Variants in CAMTA1 observed in about 807,000 individuals in gnomAD.
The protein encoded by CAMTA1 is calmodulin binding transcription activator 1, also known as calmodulin-binding transcription activator 1.
In CAMTA1, 27 loss-of-function variants were observed where a neutral mutation model predicts 170.9. The observed-to-expected ratio is 0.16, with a 90% CI of 0.12 to 0.22. CAMTA1 has a LOEUF of 0.22. Ranked by LOEUF, CAMTA1 falls within the 10% of genes least tolerant of loss-of-function variation. CAMTA1 has a pLI of 1.00. For synonymous variants in CAMTA1, 833 were observed against 891.5 expected (o/e 0.93, Z 1.17); for missense variants, 1,619 against 2,217.2 (o/e 0.73, Z 5.42).
intron 6 of CAMTA1, among the ~76,000 whole-genome samples, chr1:7,557,373 G>A (rs78385423): frequency 0.049 from 7,426 of 151,222 alleles, 205 homozygotes; most frequent in Admixed American, 0.056. Flanking sequence ...TCCAGAGCCC[G>A]GCCAAGCGGA....
chr1:7,417,365 G>T (rs1301032871), intron 5 of CAMTA1, among the ~76,000 whole-genome samples: 1 of 150,198 alleles, frequency 6.7e-6, no homozygotes, highest in Non-Finnish European at 1.5e-5. Context: ...TCTGTGCCCT[G>T]CCCCCAGAGG....
chr1:7,501,618 G>GTTTTT (rs56182115), intron 6 of CAMTA1, among the ~76,000 whole-genome samples: 20 of 149,614 alleles, frequency 1.3e-4, no homozygotes, highest in Admixed American at 4.0e-4. Context: ...ATAAACAACA[G>GTTTTT]TTTTTTTTTT....
chr1:7,709,126 CTT>C (rs1469265776), intron 11 of CAMTA1, among the ~76,000 whole-genome samples: 1 of 152,110 alleles, frequency 6.6e-6, no homozygotes, highest in East Asian at 1.9e-4. Flanking sequence ...AATTCTGTCT[CTT>C]TTTTCCTTTG....
At chr1:6,905,514 A>G (rs1678241490) in intron 3 of CAMTA1, among the ~76,000 whole-genome samples, 1 of 151,564 alleles carries the variant, frequency 6.6e-6, no homozygotes. Flanking sequence ...TTTCTTTACC[A>G]TCCACCTCTG....
chr1:6,963,386 A>C (rs377697768), intron 3 of CAMTA1, among the ~76,000 whole-genome samples: 7 of 145,530 alleles, frequency 4.8e-5, no homozygotes, highest in Non-Finnish European at 1.1e-4. Context: ...CCTCTTTCCA[A>C]TCGGGCCCCA....
At chr1:7,059,074 G>A (rs531584032) in intron 3 of CAMTA1, among the ~76,000 whole-genome samples, 2 of 152,290 alleles carry the variant, frequency 1.3e-5, no homozygotes, top group East Asian at 3.9e-4. Context: ...GGGTTCCTGG[G>A]CTCTCCTTTC....
chr1:7,437,101 G>A (rs1193223), intron 5 of CAMTA1, among the ~76,000 whole-genome samples: 41,680 of 151,852 alleles, frequency 0.27, 6,280 homozygotes, highest in South Asian at 0.39. Context: ...AGAGGAGGCC[G>A]CAGAGGAAGA....
At chr1:7,686,701 CA>C (rs2096261430) in intron 11 of CAMTA1, among the ~76,000 whole-genome samples, 1 of 152,122 alleles carries the variant, frequency 6.6e-6, no homozygotes, top group Non-Finnish European at 1.5e-5. Flanking sequence ...TCTCCACCGG[CA>C]CAGAGACTAC....
At chr1:7,147,115 C>A (rs1363444467) in intron 4 of CAMTA1, among the ~76,000 whole-genome samples, 6 of 151,872 alleles carry the variant, frequency 4.0e-5, no homozygotes, top group Non-Finnish European at 8.8e-5. Flanking sequence ...CACACACAAA[C>A]ACACACTCAA....
In CAMTA1 at chr1:6,961,475, C is replaced by T. The variant is rs527361981; in HGVS notation, c.235-129829C>T. ...GCCGGCAAGAAGGTGCGCTGCCTGC[C>T]GACCACCATGCGTTCCTGCTGGCCA... On this transcript the variant is annotated intron_variant, in intron 3 of 22. Coordinates refer to ENST00000303635, the MANE Select transcript of CAMTA1 (RefSeq NM_015215.4). Among the ~76,000 whole-genome samples the T allele has an allele frequency of 2.0e-5, 3 of 152,118 alleles. No individual in the cohort carries two copies. The South Asian group carries it at 6.2e-4, about 32-fold the overall frequency.
intron 3 of CAMTA1, among the ~76,000 whole-genome samples, chr1:6,975,840 C>A (rs1444712130): frequency 6.6e-6 from 1 of 152,214 alleles, no homozygotes; most frequent in Non-Finnish European, 1.5e-5. Context: ...TGGCAACCAC[C>A]AATCTGCTTT....
rs949355653 is a variant in CAMTA1, at chr1:7,561,454, C to T, written c.511-78946C>T. ...TGGCCCCTGAGGGCATGGGACTCTC[C>T]CTGCTGGGCACACCCCAGCGGCACC... On this transcript the variant is annotated intron_variant, in intron 6 of 22. Transcript: ENST00000303635. This position sits in a 1 kb window ranked among gnomAD's most constrained non-coding sequence, Gnocchi z 5.3. Among the ~76,000 whole-genome samples the T allele has an allele frequency of 1.3e-5, 2 of 151,816 alleles. No individual in the cohort carries two copies. The highest frequency in any genetic ancestry group is 1.3e-4 in the Admixed American group (2 of 15,262).
chr1:7,427,597 A>T (rs1157014871), intron 5 of CAMTA1, among the ~76,000 whole-genome samples: 1 of 152,364 alleles, frequency 6.6e-6, no homozygotes, highest in East Asian at 1.9e-4. Context: ...CCTTCCCAGC[A>T]GTGAGTGCAT....
Position 7,299,746 on chromosome 1 carries a change from C to T in CAMTA1, c.438+50120C>T, listed in dbSNP as rs918414972. ...AGGGTACAAGGAGGTGTTCCAACCCCTCACTGAGACAGGATTTCTAGCCCC... is the reference window on the plus strand; with the variant it reads ...AGGGTACAAGGAGGTGTTCCAACCCTTCACTGAGACAGGATTTCTAGCCCC... On this transcript the variant is annotated intron_variant, in intron 5 of 22. Transcript: ENST00000303635. The surrounding 1 kb of genome is among the most constrained non-coding windows in gnomAD (Gnocchi z 4.7). 6.6e-6 allele frequency among the ~76,000 whole-genome samples: 1 copy of T among 152,228 alleles called. No individual in the cohort carries two copies. Among genetic ancestry groups the T allele is most frequent in the Non-Finnish European group, 1.5e-5 (1 of 68,044 alleles).
At chr1:7,629,495 TTTGA>T (rs541796649) in intron 6 of CAMTA1, among the ~76,000 whole-genome samples, 113 of 152,350 alleles carry the variant, frequency 7.4e-4, no homozygotes, top group African/African-American at 2.6e-3. Context: ...CGCTGTGTAG[TTTGA>T]TTGTGCTAAA....
intron 3 of CAMTA1, among the ~76,000 whole-genome samples, chr1:6,907,838 A>G (rs1678872743): frequency 1.3e-5 from 2 of 152,040 alleles, no homozygotes; most frequent in Admixed American, 6.5e-5. Flanking sequence ...CCTGGGAGCC[A>G]CTGTGGTCCT....
At chr1:6,924,958 G>T (rs549199222) in intron 3 of CAMTA1, among the ~76,000 whole-genome samples, 65 of 152,322 alleles carry the variant, frequency 4.3e-4, no homozygotes, top group African/African-American at 1.5e-3. Context: ...GATATGGTTG[G>T]GGGGGACTGT....
chr1:6,807,964 A>G (rs755780772), intron 1 of CAMTA1, among the ~76,000 whole-genome samples: 1 of 151,842 alleles, frequency 6.6e-6, no homozygotes, highest in Non-Finnish European at 1.5e-5. Context: ...AAGGCTCTGG[A>G]AGGGAAGATG....
chr1:7,440,259 C>T (rs539290742), intron 5 of CAMTA1, among the ~76,000 whole-genome samples: 124 of 152,402 alleles, frequency 8.1e-4, no homozygotes, highest in African/African-American at 2.6e-3. Context: ...ATCCTGACTC[C>T]GCAGCTGCCT....
Sources: gnomAD v4.1 joint callset for allele counts (sites outside exome capture counted in the v4.1 genomes callset) on GRCh38, gnomAD v4.1.1 for gene constraint, Gnocchi (gnomAD v3.1) non-coding constraint, MANE v1.5 for transcripts, NCBI Gene and HGNC (gene_info 2026-07-23, HGNC 2026-07-21) for gene names.